Variants in STMN1 observed in about 807,000 individuals in gnomAD.
STMN1 encodes stathmin.
In STMN1, 3 loss-of-function variants were observed where a neutral mutation model predicts 19.7. That is an observed-to-expected ratio of 0.15 (90% CI 0.07 to 0.39). STMN1 has a LOEUF of 0.39. STMN1 is among the 10% of genes least tolerant of loss of function. The probability of loss-of-function intolerance (pLI) is 1.00; values close to 1 mark genes in which losing one functional copy is unlikely to be tolerated. For synonymous variants in STMN1, 59 were observed against 58.9 expected (o/e 1.00, Z -0.01); for missense variants, 99 against 176.0 (o/e 0.56, Z 2.48).
intron 4 of STMN1, chr1:25,887,677 G>T (rs764473591): frequency 4.7e-6 from 1 of 213,842 alleles, no homozygotes; most frequent in Non-Finnish European, 9.5e-6. Context: ...TGTGTTTTTT[G>T]GGGTTTTTTT....
chr1:25,898,755 G>A (rs1268451642), downstream of STMN1, among the ~76,000 whole-genome samples: 1 of 152,190 alleles, frequency 6.6e-6, no homozygotes, highest in South Asian at 2.1e-4. Flanking sequence ...CCAATCTATT[G>A]GAAGTACTGC....
chr1:25,899,861 TC>T (rs1470116466), downstream of STMN1, among the ~76,000 whole-genome samples: 1 of 152,182 alleles, frequency 6.6e-6, no homozygotes, highest in Non-Finnish European at 1.5e-5. Context: ...TTAGCAATCA[TC>T]TTTTGCTATA....
Position 25,900,213 on chromosome 1 carries a change from G to A in STMN1, c.*803C>T, listed in dbSNP as rs1030064693. 5 of 985,758 alleles carry A rather than the reference G, an allele frequency of 5.1e-6. No individual in the cohort carries two copies. In the African/African-American group the frequency reaches 8.7e-5, roughly 17 times the overall value. 61.1% of individuals were successfully genotyped at this position (985,758 alleles called of 1,614,324 possible). A position where few individuals can be genotyped will look rare whatever the true frequency, so the allele number is the denominator to read the frequency against. On this transcript the variant is annotated 3_prime_UTR_variant, in exon 5 of 5. Transcript: ENST00000455785. Reference sequence around the variant, plus strand: ...GAGGACATGCCCCACCTGTAACGTAGAGCAAGCAAACCACCAAGTAGAATC... The same window carrying A: ...GAGGACATGCCCCACCTGTAACGTAAAGCAAGCAAACCACCAAGTAGAATC...
chr1:25,888,772 A>C (rs751905124), intron 4 of STMN1, among the ~76,000 whole-genome samples: 61 of 152,168 alleles, frequency 4.0e-4, no homozygotes, highest in Non-Finnish European at 7.6e-4. Flanking sequence ...CCCAGCCATC[A>C]TGTGACTTTT....
chr1:25,885,536 C>A, exon 5 of STMN1: 1 of 716,666 alleles, frequency 1.4e-6, no homozygotes, highest in Non-Finnish European at 2.1e-6. Context: ...TTCATTCTTG[C>A]TACCTCCTCT....
At chr1:25,892,465 A>G (rs574433613) in intron 4 of STMN1, 3 of 866,146 alleles carry the variant, frequency 3.5e-6, no homozygotes, top group Admixed American at 6.4e-5. Flanking sequence ...GACCATCACT[A>G]CTACATCACT....
Position 25,903,713 on chromosome 1 carries a change from G to A in STMN1, c.114C>T (p.Ser38=). ...SKESVPEFPL[S]PPKKKDLSLE... is the part of the protein sequence containing the mutation. ...GGGAAAGATCCTTCTTCTTTGGAGG[G>A]GAAAGGGGGAATTCTGGAACAGATT... The change falls in exon 3 of 5, where the codon TCC becomes TCT. Residue 38 remains serine (S), a synonymous_variant. Transcript: ENST00000455785. 1 of 1,613,972 alleles carries A rather than the reference G, an allele frequency of 6.2e-7. No homozygotes were observed. The highest frequency in any genetic ancestry group is 1.3e-5 in the African/African-American group (1 of 75,040).
chr1:25,888,067 C>T (rs532948641), intron 4 of STMN1, among the ~76,000 whole-genome samples: 11 of 152,140 alleles, frequency 7.2e-5, no homozygotes, highest in Admixed American at 2.0e-4. Context: ...AGTCAGAAAG[C>T]CCTGGGTTTA....
downstream of STMN1, among the ~76,000 whole-genome samples, chr1:25,895,183 A>G (rs1288119523): frequency 3.4e-5 from 5 of 146,738 alleles, no homozygotes; most frequent in African/African-American, 7.6e-5. Context: ...GCTCACTGCA[A>G]CCTCTACCTC....
rs1291907874 is a variant in STMN1, at chr1:25,900,323, T to G, written c.*693A>C. On this transcript the variant is annotated 3_prime_UTR_variant, in exon 5 of 5. Transcript: ENST00000455785. ...AAAGGGACACAGAACAAAAAATGGT[T>G]GTTTGCAAATAAACATCTGAAAGAA... 1.0e-6 allele frequency: 1 copy of G among 985,764 alleles called. No individual in the cohort carries two copies. The highest frequency in any genetic ancestry group is 6.1e-5 in the Admixed American group (1 of 16,272). The allele number at this position is 985,764 out of a possible 1,614,324, so 61.1% of individuals were successfully genotyped here. A position where few individuals can be genotyped will look rare whatever the true frequency, so the allele number is the denominator to read the frequency against.
At chr1:25,905,646 G>A (rs1557486561) in intron 1 of STMN1, among the ~76,000 whole-genome samples, 7 of 152,188 alleles carry the variant, frequency 4.6e-5, no homozygotes, top group Admixed American at 4.6e-4. Context: ...GGGAGGGGTG[G>A]GCGGGGCTAA....
chr1:25,901,460 G>T lies in STMN1; in HGVS notation c.378+31C>A, dbSNP rs754849653. 1.9e-6 allele frequency: 3 copies of T among 1,580,196 alleles called. No individual in the cohort carries two copies. In the Admixed American group the frequency reaches 5.6e-5, roughly 29 times the overall value. On this transcript the variant is annotated intron_variant, in intron 4 of 4. Coordinates refer to ENST00000455785, the MANE Select transcript of STMN1 (RefSeq NM_005563.4). ...AACTCATTGGTGCATCAAACTCCAA[G>T]CTCAACCCTTTTACAAAGTAAGAAA... is the stretch of plus-strand genomic sequence containing the variant.
chr1:25,903,972 G>A (rs956021188), intron 2 of STMN1, among the ~76,000 whole-genome samples, 159 bp from the exon 3 acceptor site: 16 of 152,040 alleles, frequency 1.1e-4, no homozygotes, highest in African/African-American at 3.6e-4. Context: ...TCAGTCTACT[G>A]ACACTAGGGG....
chr1:25,901,269 T>C, intron 4 of STMN1, 182 bp from the exon 5 acceptor site: 1 of 1,251,574 alleles, frequency 8.0e-7, no homozygotes, highest in South Asian at 1.6e-5. Context: ...CTGGGTCCCT[T>C]GTAGAACCTA....
intron 2 of STMN1, 64 bp from the exon 3 acceptor site, chr1:25,903,877 T>C (rs868400646): frequency 7.4e-6 from 11 of 1,494,496 alleles, no homozygotes; most frequent in South Asian, 1.3e-5. Flanking sequence ...AACTGTACTA[T>C]AATTTTCTAA....
At chr1:25,895,157 C>T (rs1432073367), downstream of STMN1, among the ~76,000 whole-genome samples, 3 of 140,342 alleles carry the variant, frequency 2.1e-5, no homozygotes, top group African/African-American at 5.3e-5. Context: ...GACTGGAGTG[C>T]GGTGGCGTGA....
At chr1:25,901,214 T>C (rs1410772967) in intron 4 of STMN1, 127 bp from the exon 5 acceptor site, 2 of 1,475,942 alleles carry the variant, frequency 1.4e-6, no homozygotes, top group Non-Finnish European at 1.8e-6. Flanking sequence ...TTACAGCCTG[T>C]GGGAACCACA....
chr1:25,901,117 C>CAA (rs58316569), intron 4 of STMN1, 30 bp from the exon 5 acceptor site: 2,154 of 1,203,106 alleles, frequency 1.8e-3, no homozygotes, highest in South Asian at 6.8e-3. Context: ...TGTCATCAGT[C>CAA]AAAAAAAAAA....
chr1:25,900,833 C>A lies in STMN1; in HGVS notation c.*183G>T. 1 of 1,391,532 alleles carries A rather than the reference C, an allele frequency of 7.2e-7. No homozygotes were observed. Among genetic ancestry groups the A allele is most frequent in the South Asian group, 1.8e-5 (1 of 54,098 alleles). 86.2% of individuals were successfully genotyped at this position (1,391,532 alleles called of 1,614,324 possible). On this transcript the variant is annotated 3_prime_UTR_variant, in exon 5 of 5. Transcript: ENST00000455785. ...AACACTTTAGAAAAAGAGTAAAACA[C>A]TTTCAGTTTCTCCCCTTTAGCCCCT...
Sources: allele counts gnomAD v4.1 joint callset (sites outside exome capture counted in the v4.1 genomes callset), GRCh38; gene constraint gnomAD v4.1.1; transcripts MANE v1.5; gene names NCBI Gene and HGNC (gene_info 2026-07-23, HGNC 2026-07-21).